The following UBC variants were observed in gnomAD, a reference collection of about 807,000 sequenced individuals.
UBC encodes ubiquitin C, also known as polyubiquitin-C.
In UBC, 8 loss-of-function variants were observed where a neutral mutation model predicts 34.7. The ratio of observed to expected loss-of-function variants is 0.23; its 90% CI spans 0.14 to 0.42. The LOEUF (loss-of-function observed/expected upper bound fraction) is 0.42, where lower values mean the gene tolerates loss of function less well. UBC is among the 10% of genes least tolerant of loss of function. The pLI is 1.00. For synonymous variants in UBC, 367 were observed against 299.8 expected, an observed-to-expected ratio of 1.22 and a Z score of -2.32; for missense variants, 323 against 750.3, an observed-to-expected ratio of 0.43 and a Z score of 6.65.
chr12:124,914,650 T>G lies in UBC; in HGVS notation c.-67A>C, dbSNP rs1013088819. ...ACCCAAATCCCGGCTGCGACGGAAC[T>G]AGCTGTGCCACACCCGGCGCGTCCT... is the stretch of plus-strand genomic sequence containing the variant. On this transcript the variant is annotated 5_prime_UTR_variant, in exon 1 of 2. Transcript: ENST00000339647. The G allele has an allele frequency of 1.3e-5, 2 of 152,390 alleles. No individual in the cohort carries two copies. Among genetic ancestry groups the G allele is most frequent in the Non-Finnish European group, 2.9e-5 (2 of 68,120 alleles). 9.4% of individuals were successfully genotyped at this position (152,390 alleles called of 1,614,324 possible). A position where few individuals can be genotyped will look rare whatever the true frequency, so the allele number is the denominator to read the frequency against.
At chr12:124,914,471 C>G (rs1238022582) in intron 1 of UBC, 116 bp downstream of exon 1, 1 of 154,382 alleles carries the variant, frequency 6.5e-6, no homozygotes, top group East Asian at 1.9e-4. Flanking sequence ...CAGTTCAGGG[C>G]AACCTTGCTC....
rs754501552 is a variant in UBC, at chr12:124,911,667, TGAAAG to T, written c.*42_*46del. 3.6e-5 allele frequency: 53 copies of T among 1,489,132 alleles called. No homozygotes were observed. The highest frequency in any genetic ancestry group is 4.1e-5 in the Non-Finnish European group (45 of 1,087,170). 92.2% of individuals were successfully genotyped at this position (1,489,132 alleles called of 1,614,324 possible). On this transcript the variant is annotated 3_prime_UTR_variant, in exon 2 of 2. Transcript: ENST00000339647. ...CCAATTGGGAATGCAACAACTTTATTGAAAGGAAAGTGCAATGAAATTTGTTGAAA... is the reference window on the plus strand; with the variant it reads ...CCAATTGGGAATGCAACAACTTTATTGAAAGTGCAATGAAATTTGTTGAAA...
Position 124,913,845 on chromosome 12 carries a change from TG to T in UBC, c.-3-72del, listed in dbSNP as rs1953564487. The T allele has an allele frequency of 1.9e-6, 3 of 1,574,466 alleles. No homozygotes were observed. In the Admixed American group the frequency reaches 5.7e-5, roughly 30 times the overall value. On this transcript the variant is annotated intron_variant, in intron 1 of 1. Coordinates refer to ENST00000339647, the MANE Select transcript of UBC (RefSeq NM_021009.7). ...TAGTCTAACACTGAAAATTACATAT[TG>T]ACCCAAATGATTACATTTCAAAAGG...
Position 124,913,258 on chromosome 12 carries a change from T to C in UBC, c.514A>G (p.Ser172Gly). 1 of 1,611,436 alleles carries C rather than the reference T, an allele frequency of 6.2e-7. No individual in the cohort carries two copies. The highest frequency in any genetic ancestry group is 8.5e-7 in the Non-Finnish European group (1 of 1,178,656). Residue 172 changes from serine to glycine, a missense_variant, in exon 2 of 2, where the codon AGT (serine) becomes GGT (glycine). By Grantham distance (56) the Ser-to-Gly change is moderately conservative (BLOSUM62 0). Transcript: ENST00000339647. ...GCCTTGACATTCTCGATGGTGTCAC[T>C]GGGCTCCACCTCGAGGGTGATGGTC... is the stretch of plus-strand genomic sequence containing the variant. ...GKTITLEVEPSDTIENVKAKI... is the reference protein window; with the variant it reads ...GKTITLEVEPGDTIENVKAKI...
chr12:124,912,662 G>A lies in UBC; in HGVS notation c.1110C>T (p.Thr370=), dbSNP rs750058196. 4 of 1,611,750 alleles carry A rather than the reference G, an allele frequency of 2.5e-6. No individual in the cohort carries two copies. The highest frequency in any genetic ancestry group is 1.7e-5 in the Admixed American group (1 of 59,744). Residue 370 remains threonine, a synonymous_variant, in exon 2 of 2, where the codon ACC becomes ACT. Transcript: ENST00000339647. The part of the protein sequence containing the change: ...LSDYNIQKES[T]LHLVLRLRGG... Reference sequence around the variant, plus strand: ...CTCTGAGACGGAGCACCAGGTGCAAGGTGGACTCTTTCTGGATGTTGTAGT... The same window carrying A: ...CTCTGAGACGGAGCACCAGGTGCAAAGTGGACTCTTTCTGGATGTTGTAGT...
In UBC at chr12:124,912,900, T is replaced by C; in HGVS notation, c.872A>G (p.Lys291Arg). ...GRTLSDYNIQ[K>R]ESTLHLVLRL... ...GAGCACCAGGTGCAGGGTAGACTCT[T>C]TCTGGATGTTGTAGTCAGACAGGGT... Residue 291 changes from lysine (K) to arginine (R), a missense_variant, in exon 2 of 2, where the codon AAA becomes AGA. By Grantham distance (26) the Lys-to-Arg change is conservative. Transcript: ENST00000339647. 3 of 1,608,700 alleles carry C rather than the reference T, an allele frequency of 1.9e-6. No homozygotes were observed. Among genetic ancestry groups the C allele is most frequent in the Non-Finnish European group, 2.5e-6 (3 of 1,177,614 alleles).
chr12:124,913,818 A>T (rs566882143), intron 1 of UBC, 44 bp from the exon 2 acceptor site: 1 of 1,607,766 alleles, frequency 6.2e-7, no homozygotes, highest in Non-Finnish European at 8.5e-7. Context: ...CGGACAATTT[A>T]CTAGTCTAAC....
chr12:124,913,954 G>C lies in UBC; in HGVS notation c.-3-180C>G, dbSNP rs75750260. On this transcript the variant is annotated intron_variant, in intron 1 of 1. Transcript: ENST00000339647. The stretch of plus-strand genomic sequence containing the variant: ...GAGCTTCAGCTACTTAAGAAGATAG[G>C]TACATAAAACCGACCAGAGAAACTG... 439 of 983,046 alleles carry C rather than the reference G, an allele frequency of 4.5e-4. 2 individuals are homozygous for C. The Middle Eastern group carries it at 6.3e-3, about 14-fold the overall frequency. The allele number at this position is 983,046 out of a possible 1,614,324, so 60.9% of individuals were successfully genotyped here.
chr12:124,913,846 G>A (rs962281383), intron 1 of UBC, 72 bp from the exon 2 acceptor site: 66 of 1,574,182 alleles, frequency 4.2e-5, no homozygotes, highest in Admixed American at 1.1e-4. Context: ...ATTACATATT[G>A]ACCCAAATGA....
chr12:124,913,005 G>C lies in UBC; in HGVS notation c.767C>G (p.Ala256Gly), dbSNP rs1410210392. ...AATGCCTTCCTTGTCTTGGATCTTT[G>C]CTTTGACGTTCTCGATAGTGTCACT... ...EPSDTIENVK[A>G]KIQDKEGIPP... Residue 256 changes from alanine (A) to glycine (G), a missense_variant, in exon 2 of 2, where the codon GCA becomes GGA. This residue lies in a region of UBC where 202 missense variants were observed against 361.9 expected (regional missense o/e 0.56). Transcript: ENST00000339647. 2 of 1,611,632 alleles carry C rather than the reference G, an allele frequency of 1.2e-6. No individual in the cohort carries two copies. Among genetic ancestry groups the C allele is most frequent in the East Asian group, 2.2e-5 (1 of 44,548 alleles).
In UBC at chr12:124,914,244, G is replaced by A. The variant is rs892566388; in HGVS notation, c.-4+343C>T. On this transcript the variant is annotated intron_variant, in intron 1 of 1. Transcript: ENST00000339647. Reference sequence around the variant, plus strand: ...AACAGACGACAAACCGAGTTCTCCAGTCAGTGACAAACTTCACGTCAGGGT... The same window carrying A: ...AACAGACGACAAACCGAGTTCTCCAATCAGTGACAAACTTCACGTCAGGGT... The A allele has an allele frequency of 9.8e-5, 19 of 193,088 alleles. 1 individual carries two copies. Among genetic ancestry groups the A allele is most frequent in the Non-Finnish European group, 1.6e-4 (15 of 92,428 alleles). The allele number at this position is 193,088 out of a possible 1,614,324, so 12.0% of individuals were successfully genotyped here. A position where few individuals can be genotyped will look rare whatever the true frequency, so the allele number is the denominator to read the frequency against.
rs1953528679 is a variant in UBC, at chr12:124,911,690, T to C, written c.*24A>G. ...ATTGAAAGGAAAGTGCAATGAAATT[T>C]GTTGAAACCTTAAAAGGGGAAACTT... On this transcript the variant is annotated 3_prime_UTR_variant, in exon 2 of 2. Coordinates refer to ENST00000339647, the MANE Select transcript of UBC (RefSeq NM_021009.7). The C allele has an allele frequency of 1.9e-6, 3 of 1,600,358 alleles. No individual in the cohort carries two copies. The African/African-American group carries it at 4.1e-5, about 22-fold the overall frequency.
chr12:124,911,673 G>GA lies in UBC; in HGVS notation c.*40dup, dbSNP rs752293423. 6.7e-7 allele frequency: 1 copy of GA among 1,489,442 alleles called. No homozygotes were observed. Among genetic ancestry groups the GA allele is most frequent in the Admixed American group, 1.8e-5 (1 of 55,232 alleles). 92.3% of individuals were successfully genotyped at this position (1,489,442 alleles called of 1,614,324 possible). A position where few individuals can be genotyped will look rare whatever the true frequency, so the allele number is the denominator to read the frequency against. ...GGGAATGCAACAACTTTATTGAAAG[G>GA]AAAGTGCAATGAAATTTGTTGAAAC... On this transcript the variant is annotated 3_prime_UTR_variant, in exon 2 of 2. Transcript: ENST00000339647.
chr12:124,913,667 GCCTT>G lies in UBC; in HGVS notation c.101_104del (p.Glu34AlafsTer9), dbSNP rs1278242117. ...TCAGCCTCTGCTGGTCAGGAGGGAT[GCCTT>G]CCTTATCTTGGATCTTTGCCTTGAC... On this transcript the variant is annotated frameshift_variant, in exon 2 of 2. Coordinates refer to ENST00000339647, the MANE Select transcript of UBC (RefSeq NM_021009.7). LOFTEE classifies it high-confidence loss of function. 1.2e-6 allele frequency: 2 copies of G among 1,613,674 alleles called. No individual in the cohort carries two copies. The highest frequency in any genetic ancestry group is 8.5e-7 in the Non-Finnish European group (1 of 1,179,894).
rs540140248 is a variant in UBC, at chr12:124,913,208, A to G, written c.564T>C (p.Ile188=). 9.1e-4 allele frequency: 1,457 copies of G among 1,605,532 alleles called. 37 individuals are homozygous for G. The East Asian group carries it at 0.02, about 22-fold the overall frequency. The part of the protein sequence containing the change: ...VKAKIQDKEG[I]PPDQQRLIFA... The stretch of plus-strand genomic sequence containing the variant: ...AGATCAACCTCTGCTGATCAGGAGG[A>G]ATGCCTTCCTTATCTTGGATCTTTG... The change falls in exon 2 of 2, where the codon ATT becomes ATC. Residue 188 remains isoleucine, a synonymous_variant. Coordinates refer to ENST00000339647, the MANE Select transcript of UBC (RefSeq NM_021009.7).
chr12:124,913,833 A>T, intron 1 of UBC, 59 bp from the exon 2 acceptor site: 1 of 1,590,158 alleles, frequency 6.3e-7, no homozygotes, highest in Non-Finnish European at 8.6e-7. Flanking sequence ...TCTAACACTG[A>T]AAATTACATA....
chr12:124,914,028 C>G (rs1953570731), intron 1 of UBC: 1 of 563,976 alleles, frequency 1.8e-6, no homozygotes, highest in East Asian at 3.4e-5. Flanking sequence ...CCTGTCGATT[C>G]AGGAGAGCCT....
chr12:124,914,120 A>C, intron 1 of UBC: 1 of 311,334 alleles, frequency 3.2e-6, no homozygotes, highest in Non-Finnish European at 6.0e-6. Flanking sequence ...CCTGCATTAT[A>C]AGCCAACAGA....
intron 1 of UBC, 122 bp downstream of exon 1, chr12:124,914,465 T>A (rs1953584012): frequency 6.5e-6 from 1 of 154,638 alleles, no homozygotes; most frequent in African/African-American, 2.4e-5. Flanking sequence ...AACCCCCAGT[T>A]CAGGGCAACC....
Sources: gnomAD v4.1 joint callset for allele counts on GRCh38, gnomAD v4.1.1 for gene constraint, gnomAD v4.1.1 regional missense constraint, MANE v1.5 for transcripts, NCBI Gene and HGNC (gene_info 2026-07-23, HGNC 2026-07-21) for gene names.